The following NOC3L variants were observed in gnomAD, a reference collection of about 807,000 sequenced individuals.
The protein encoded by NOC3L is nucleolar complex protein 3 homolog.
Under a neutral mutation model 102.5 loss-of-function variants are expected in NOC3L, and 85 were observed. The ratio of observed to expected loss-of-function variants is 0.83; its 90% CI spans 0.70 to 0.99. The LOEUF (loss-of-function observed/expected upper bound fraction) is 0.99, where lower values mean the gene tolerates loss of function less well. Ranked by LOEUF, NOC3L falls within the 50% of genes least tolerant of loss-of-function variation. The probability of loss-of-function intolerance (pLI) is 0.00; values close to 1 mark genes in which losing one functional copy is unlikely to be tolerated. For synonymous variants in NOC3L, 303 were observed against 309.4 expected (o/e 0.98, Z 0.22); for missense variants, 878 against 914.9 (o/e 0.96, Z 0.52).
the NOC3L span, chr10:94,324,982 T>C: frequency 6.2e-7 from 1 of 1,614,106 alleles, no homozygotes; most frequent in Non-Finnish European, 8.5e-7. Context: ...AGGACTTACA[T>C]CACCTTCTCA....
the NOC3L span, chr10:94,327,832 T>G: frequency 9.8e-6 from 3 of 307,404 alleles, no homozygotes; most frequent in East Asian, 2.4e-4. Flanking sequence ...ACATTGTGAG[T>G]ACAGAGGAAA....
chr10:94,324,746 GT>G, the NOC3L span: 1 of 974,738 alleles, frequency 1.0e-6, no homozygotes, highest in African/African-American at 1.6e-5. Context: ...CGAGCTTGCG[GT>G]TAAGCAGTCC....
At chr10:94,346,110 G>A (rs2054339938) in intron 11 of NOC3L, among the ~76,000 whole-genome samples, 4 of 152,116 alleles carry the variant, frequency 2.6e-5, no homozygotes, top group African/African-American at 7.2e-5. Flanking sequence ...CCAACTTCAC[G>A]TGAATGCATC....
At chr10:94,321,109 C>T in the NOC3L span, among the ~76,000 whole-genome samples, 1 of 152,192 alleles carries the variant, frequency 6.6e-6, no homozygotes, top group Non-Finnish European at 1.5e-5. Context: ...TTCAATGTGG[C>T]TTACCTCCAG....
chr10:94,321,458 CCT>C, the NOC3L span, among the ~76,000 whole-genome samples: 1 of 152,096 alleles, frequency 6.6e-6, no homozygotes, highest in Non-Finnish European at 1.5e-5. Context: ...ATGGCGAAAC[CCT>C]GTCTCTATTA....
At chr10:94,362,066 T>A in intron 1 of NOC3L, 194 bp from the exon 2 acceptor site, 1 of 644,676 alleles carries the variant, frequency 1.6e-6, no homozygotes, top group Non-Finnish European at 2.8e-6. Flanking sequence ...AGTTATTCAA[T>A]CCCAATTCAC....
At chr10:94,360,875 T>G (rs1468561731) in intron 2 of NOC3L, among the ~76,000 whole-genome samples, 1 of 151,490 alleles carries the variant, frequency 6.6e-6, no homozygotes, top group South Asian at 2.1e-4. Flanking sequence ...AGCTGGGTGC[T>G]GTGGCTCACC....
the NOC3L span, among the ~76,000 whole-genome samples, chr10:94,317,048 C>A: frequency 6.6e-6 from 1 of 152,108 alleles, no homozygotes; most frequent in Non-Finnish European, 1.5e-5. Flanking sequence ...GTCAGGAGTT[C>A]AAGACCAGCC....
At chr10:94,324,342 C>T in the NOC3L span, 2 of 1,606,012 alleles carry the variant, frequency 1.2e-6, no homozygotes, top group Non-Finnish European at 1.7e-6. Context: ...CATAACTTAC[C>T]TTTCAGACCT....
chr10:94,352,158 G>A, intron 8 of NOC3L, 152 bp downstream of exon 8: 1 of 507,980 alleles, frequency 2.0e-6, no homozygotes, highest in South Asian at 3.5e-5. Context: ...GTAGTAAGTG[G>A]TGGAGCCAGG....
chr10:94,320,324 T>C, the NOC3L span, among the ~76,000 whole-genome samples: 1 of 152,062 alleles, frequency 6.6e-6, no homozygotes. Context: ...TTTCACTCAT[T>C]GAAAAAAGTT....
intron 17 of NOC3L, among the ~76,000 whole-genome samples, 198 bp downstream of exon 17, chr10:94,339,541 T>C (rs1203635803): frequency 6.6e-6 from 1 of 152,222 alleles, no homozygotes; most frequent in Non-Finnish European, 1.5e-5. Context: ...GATACCCACC[T>C]AATGACACTG....
the NOC3L span, chr10:94,316,749 AGC>A: frequency 6.2e-7 from 1 of 1,612,318 alleles, no homozygotes; most frequent in Non-Finnish European, 8.5e-7. Flanking sequence ...TTAAAAACCC[AGC>A]AGGAAGTAAG....
chr10:94,343,891 G>A (rs566788432), intron 13 of NOC3L, among the ~76,000 whole-genome samples: 47 of 152,050 alleles, frequency 3.1e-4, no homozygotes, highest in African/African-American at 9.2e-4. Context: ...TATTTTTACC[G>A]AATAGCAATG....
chr10:94,332,666 T>A (rs2054174237), downstream of NOC3L: 1 of 152,186 alleles, frequency 6.6e-6, no homozygotes, highest in African/African-American at 2.4e-5. Flanking sequence ...TGATTCTCCA[T>A]ATGTATAACA....
chr10:94,323,284 C>T, the NOC3L span, among the ~76,000 whole-genome samples: 2,547 of 152,250 alleles, frequency 0.017, 94 homozygotes, highest in African/African-American at 0.059. Flanking sequence ...TCATCAAACA[C>T]CTATTTGAGA....
chr10:94,319,929 G>A, the NOC3L span, among the ~76,000 whole-genome samples: 1 of 143,208 alleles, frequency 7.0e-6, no homozygotes, highest in African/African-American at 2.6e-5. Context: ...GAGTGCAGTG[G>A]CGCGATCTCA....
At chr10:94,334,760 T>A in intron 19 of NOC3L, 42 bp from the exon 20 acceptor site, 1 of 1,276,442 alleles carries the variant, frequency 7.8e-7, no homozygotes, top group African/African-American at 1.5e-5. Flanking sequence ...CCACCACATC[T>A]GTGTAACTCA....
chr10:94,351,553 G>T (rs978098574), intron 8 of NOC3L, among the ~76,000 whole-genome samples: 1 of 151,880 alleles, frequency 6.6e-6, no homozygotes, highest in South Asian at 2.1e-4. Flanking sequence ...TTTGAGACAG[G>T]GTCTCACTCT....
Sources: gnomAD v4.1 joint callset for allele counts (sites outside exome capture counted in the v4.1 genomes callset) on GRCh38, gnomAD v4.1.1 for gene constraint, MANE v1.5 for transcripts, NCBI Gene and HGNC (gene_info 2026-07-23, HGNC 2026-07-21) for gene names.